Variants in FRMPD4 observed in about 807,000 individuals in gnomAD.
The protein encoded by FRMPD4 is FERM and PDZ domain-containing protein 4.
Under a neutral mutation model 94.1 loss-of-function variants are expected in FRMPD4, and 22 were observed. The ratio of observed to expected loss-of-function variants is 0.23; its 90% CI spans 0.17 to 0.33. The LOEUF (loss-of-function observed/expected upper bound fraction) is 0.33. Among genes scored for constraint, FRMPD4 ranks in the 10% least tolerant of loss-of-function variants. The probability of loss-of-function intolerance (pLI) is 1.00; values close to 1 mark genes in which losing one functional copy is unlikely to be tolerated. For synonymous variants in FRMPD4, 631 were observed against 548.6 expected, an observed-to-expected ratio of 1.15 and a Z score of -2.10; for missense variants, 1,111 against 1,339.9, an observed-to-expected ratio of 0.83 and a Z score of 2.67.
At chrX:12,297,174 C>T (rs1388156741) in intron 1 of FRMPD4, among the ~76,000 whole-genome samples, 1 of 112,811 alleles carries the variant, frequency 8.9e-6, no homozygotes, top group Non-Finnish European at 1.9e-5. Context: ...ACCAGTTTAA[C>T]CTGAGCTAAG....
At chrX:12,511,889 C>T (rs1485562741) in intron 2 of FRMPD4, among the ~76,000 whole-genome samples, 11 of 112,097 alleles carry the variant, frequency 9.8e-5, no homozygotes, top group African/African-American at 3.2e-4. Context: ...TTGAAAGCAG[C>T]GAGAGAAAAA....
At chrX:11,838,843 C>A (rs2053516636) in intron 1 of FRMPD4, among the ~76,000 whole-genome samples, 3 of 111,449 alleles carry the variant, frequency 2.7e-5, no homozygotes, top group Admixed American at 1.9e-4. Context: ...GAATAATATT[C>A]CATTGTATGG....
At chrX:11,918,662 G>A (rs1045367163) in intron 3 of FRMPD4, among the ~76,000 whole-genome samples, 1 of 112,633 alleles carries the variant, frequency 8.9e-6, no homozygotes, top group African/African-American at 3.2e-5. Flanking sequence ...TGGGTCTCAT[G>A]GGAGAGAAAG....
chrX:11,917,626 A>T (rs2054031904), intron 3 of FRMPD4, among the ~76,000 whole-genome samples: 1 of 112,117 alleles, frequency 8.9e-6, no homozygotes, highest in Non-Finnish European at 1.9e-5. Flanking sequence ...ATCCTAAGTG[A>T]ATTAACACAG....
intron 3 of FRMPD4, among the ~76,000 whole-genome samples, chrX:11,995,855 A>G (rs1334239120): frequency 8.9e-6 from 1 of 112,143 alleles, no homozygotes; most frequent in Non-Finnish European, 1.9e-5. Flanking sequence ...AATTAATATC[A>G]AAATACATTT....
At chrX:12,217,296 GA>G (rs1227304226) in intron 1 of FRMPD4, among the ~76,000 whole-genome samples, 1 of 111,648 alleles carries the variant, frequency 9.0e-6, no homozygotes, top group Non-Finnish European at 1.9e-5. Flanking sequence ...AAAGGAAAGA[GA>G]AGGTTGAAAA....
At chrX:12,256,632 T>C (rs759259507) in intron 1 of FRMPD4, among the ~76,000 whole-genome samples, 27 of 111,974 alleles carry the variant, frequency 2.4e-4, no homozygotes, top group Non-Finnish European at 2.8e-4. Flanking sequence ...AGTTGGAACA[T>C]CTCTATTTGT....
At chrX:11,912,808 A>T (rs2054004068) in intron 3 of FRMPD4, among the ~76,000 whole-genome samples, 1 of 111,363 alleles carries the variant, frequency 9.0e-6, no homozygotes, top group Admixed American at 9.5e-5. Flanking sequence ...AAAGAAGAAG[A>T]AGAAGAAGCT....
At chrX:12,296,542 T>G (rs2054774611) in intron 1 of FRMPD4, among the ~76,000 whole-genome samples, 1 of 111,369 alleles carries the variant, frequency 9.0e-6, no homozygotes, top group Non-Finnish European at 1.9e-5. Context: ...GGAGTGGGGG[T>G]TGGGTAGATC....
intron 3 of FRMPD4, among the ~76,000 whole-genome samples, chrX:12,612,061 A>G (rs2059189693): frequency 8.9e-6 from 1 of 111,801 alleles, no homozygotes; most frequent in Non-Finnish European, 1.9e-5. Context: ...TATATTTTAC[A>G]CATACATAAT....
chrX:12,102,432 T>C (rs1299513349), intron 3 of FRMPD4, among the ~76,000 whole-genome samples: 3 of 112,006 alleles, frequency 2.7e-5, no homozygotes, highest in Non-Finnish European at 1.9e-5. Context: ...GTCATTCAAA[T>C]AGATCTTACC....
At chrX:12,182,790 G>A (rs189342306) in intron 1 of FRMPD4, among the ~76,000 whole-genome samples, 111 of 111,168 alleles carry the variant, frequency 1.0e-3, no homozygotes, top group African/African-American at 3.3e-3. Context: ...ATTTTCATTC[G>A]AATCCAGTGA....
chrX:12,137,710 A>T (rs980739159), upstream of FRMPD4, among the ~76,000 whole-genome samples: 3 of 112,516 alleles, frequency 2.7e-5, no homozygotes, highest in Admixed American at 2.8e-4. Context: ...ATTATGTAAA[A>T]GAGAAGGCTA....
Position 12,544,462 on chromosome X carries a change from C to G in FRMPD4, c.158+45666C>G, listed in dbSNP as rs183489104. Among the ~76,000 whole-genome samples the G allele has an allele frequency of 8.0e-4, 89 of 111,368 alleles. No individual in the cohort carries two copies. The East Asian group carries it at 0.022, about 28-fold the overall frequency. On this transcript the variant is annotated intron_variant, in intron 2 of 16. Coordinates refer to ENST00000675598, the MANE Select transcript of FRMPD4 (RefSeq NM_001368397.1). ...TGCAGATGCCTTAACCAGGAAACAT[C>G]GATACAATGTTTTTAAGTGTCTTGG...
intron 3 of FRMPD4, among the ~76,000 whole-genome samples, chrX:12,122,595 C>CTT (rs35343477): frequency 0.077 from 7,860 of 102,250 alleles, 863 homozygotes; most frequent in East Asian, 0.6. Context: ...TTAACTGTAT[C>CTT]TTTTTTTTTT....
intron 2 of FRMPD4, among the ~76,000 whole-genome samples, chrX:12,555,644 C>T (rs183273441): frequency 6.8e-4 from 76 of 111,242 alleles, no homozygotes; most frequent in Non-Finnish European, 1.2e-3. Flanking sequence ...CATATATTAA[C>T]TAAATAGTCC....
chrX:12,026,502 T>C (rs906551805), intron 3 of FRMPD4, among the ~76,000 whole-genome samples: 3 of 112,282 alleles, frequency 2.7e-5, no homozygotes, highest in African/African-American at 9.7e-5. Context: ...CTACCCAATA[T>C]ACTAATGATT....
intron 2 of FRMPD4, among the ~76,000 whole-genome samples, chrX:12,598,104 A>G (rs141559813): frequency 0.012 from 1,379 of 112,204 alleles, 25 homozygotes; most frequent in African/African-American, 0.042. Context: ...AACTGATCTC[A>G]GTGCTGTTTT....
At chrX:12,579,446 G>C (rs2058842962) in intron 2 of FRMPD4, among the ~76,000 whole-genome samples, 1 of 111,611 alleles carries the variant, frequency 9.0e-6, no homozygotes, top group African/African-American at 3.3e-5. Context: ...ATTATGTATT[G>C]TTTTGAGTCA....
Sources: gnomAD v4.1 joint callset for allele counts (sites outside exome capture counted in the v4.1 genomes callset) on GRCh38, gnomAD v4.1.1 for gene constraint, MANE v1.5 for transcripts, NCBI Gene and HGNC (gene_info 2026-07-23, HGNC 2026-07-21) for gene names.